Variants in MBD5 observed in about 807,000 individuals in gnomAD.
MBD5 encodes methyl-CpG binding domain protein 5, also known as methyl-CpG-binding domain protein 5.
In MBD5, 13 loss-of-function variants were observed where a neutral mutation model predicts 117.3. That is an observed-to-expected ratio of 0.11 (90% confidence interval 0.07 to 0.18). MBD5 has a LOEUF of 0.18. Ranked by LOEUF, MBD5 falls within the 10% of genes least tolerant of loss-of-function variation. MBD5 has a pLI of 1.00. For synonymous variants in MBD5, 727 were observed against 766.4 expected, an observed-to-expected ratio of 0.95 and a Z score of 0.85; for missense variants, 1,879 against 2,093.8, an observed-to-expected ratio of 0.90 and a Z score of 2.00.
chr2:148,141,673 G>A (rs1697316626), intron 1 of MBD5, among the ~76,000 whole-genome samples: 1 of 151,982 alleles, frequency 6.6e-6, no homozygotes, highest in Non-Finnish European at 1.5e-5. Context: ...CATGCCTATT[G>A]TCCCAGCTAC....
chr2:148,352,197 T>C (rs1240511406), intron 4 of MBD5, among the ~76,000 whole-genome samples: 1 of 152,054 alleles, frequency 6.6e-6, no homozygotes, highest in African/African-American at 2.4e-5. Flanking sequence ...TCCATGTATC[T>C]CTCCTCCTTT....
At chr2:148,401,261 C>A (rs145530592) in intron 4 of MBD5, among the ~76,000 whole-genome samples, 1 of 152,178 alleles carries the variant, frequency 6.6e-6, no homozygotes, top group East Asian at 1.9e-4. Flanking sequence ...ACTATCTGCT[C>A]ATTAATTCCT....
chr2:148,331,316 C>T (rs886549800), intron 3 of MBD5, among the ~76,000 whole-genome samples: 1 of 151,872 alleles, frequency 6.6e-6, no homozygotes, highest in African/African-American at 2.4e-5. Flanking sequence ...AACAGCAGTC[C>T]CCTGCTCTAA....
Position 148,427,845 on chromosome 2 carries a change from C to CA in MBD5, c.-556-30348dup, listed in dbSNP as rs550270256. On this transcript the variant is annotated intron_variant, in intron 4 of 13. Coordinates refer to ENST00000642680, the MANE Select transcript of MBD5 (RefSeq NM_001378120.1). ...AGAAGGAAATACCCAAAAATGTCCA[C>CA]AAAAAAAAAAGAGCTATGTATGACA... Among the ~76,000 whole-genome samples, 371 of 143,978 alleles carry CA rather than the reference C, an allele frequency of 2.6e-3. 4 individuals are homozygous for CA. Among genetic ancestry groups the CA allele is most frequent in the African/African-American group, 5.0e-3 (199 of 39,578 alleles). 94.5% of individuals were successfully genotyped at this position (143,978 alleles called of 152,430 possible). A position where few individuals can be genotyped will look rare whatever the true frequency, so the allele number is the denominator to read the frequency against.
chr2:148,054,795 A>G (rs576035760), intron 1 of MBD5: 1 of 152,364 alleles, frequency 6.6e-6, no homozygotes, highest in East Asian at 1.9e-4. Context: ...TGGAATTGCA[A>G]GATCACAGTG....
intron 2 of MBD5, among the ~76,000 whole-genome samples, chr2:148,188,512 C>T (rs1395214531): frequency 6.6e-6 from 1 of 151,618 alleles, no homozygotes; most frequent in African/African-American, 2.4e-5. Context: ...ATAATGAGAC[C>T]CTGTATCTAC....
intron 13 of MBD5, 49 bp from the exon 14 acceptor site, chr2:148,512,821 G>T: frequency 6.5e-7 from 1 of 1,537,286 alleles, no homozygotes; most frequent in South Asian, 1.1e-5. Context: ...TGGTGTTTGT[G>T]ATTTCATCCT....
rs1681244334 is a variant in MBD5 at position 148,483,780 on chromosome 2, C to G, written c.3189C>G (p.Gly1063=). ...PLGNPLPSFA[G]SDTTFNPLFL... ...GGAACCCTTTACCAAGCTTTGCAGG[C>G]AGTGACACTACTTTTAACCCCCTGT... The change falls in exon 9 of 14, where the codon GGC becomes GGG. Residue 1063 remains glycine (G), a synonymous_variant. Transcript: ENST00000642680. The G allele has an allele frequency of 6.4e-7, 1 of 1,550,492 alleles. No individual in the cohort carries two copies. Among genetic ancestry groups the G allele is most frequent in the South Asian group, 1.2e-5 (1 of 84,062 alleles).
At chr2:148,150,755 T>C (rs1020742871) in intron 1 of MBD5, among the ~76,000 whole-genome samples, 1 of 151,896 alleles carries the variant, frequency 6.6e-6, no homozygotes, top group African/African-American at 2.4e-5. Flanking sequence ...CTGTTGTTGG[T>C]GCATAAGAAT....
intron 3 of MBD5, among the ~76,000 whole-genome samples, chr2:148,233,991 G>A (rs977606683): frequency 3.3e-5 from 5 of 152,068 alleles, no homozygotes; most frequent in Admixed American, 2.0e-4. Flanking sequence ...CTCCCAAAGA[G>A]CATCTGGGCA....
chr2:148,235,556 A>G (rs933030586), intron 3 of MBD5, among the ~76,000 whole-genome samples: 4 of 152,172 alleles, frequency 2.6e-5, no homozygotes, highest in African/African-American at 9.6e-5. Flanking sequence ...AAAAACTTTT[A>G]GAGGTTAGAA....
chr2:148,361,527 C>A (rs1258229736), intron 4 of MBD5, among the ~76,000 whole-genome samples: 2 of 152,186 alleles, frequency 1.3e-5, no homozygotes, highest in African/African-American at 4.8e-5. Flanking sequence ...ACTGGCTTAA[C>A]AATTTGTCCA....
At chr2:148,323,116 A>T (rs1702334316) in intron 3 of MBD5, among the ~76,000 whole-genome samples, 1 of 151,476 alleles carries the variant, frequency 6.6e-6, no homozygotes, top group Non-Finnish European at 1.5e-5. Flanking sequence ...TGTTCTTGCG[A>T]TAGTTTACTG....
intron 1 of MBD5, among the ~76,000 whole-genome samples, chr2:148,076,887 T>C (rs933811833): frequency 4.6e-5 from 7 of 152,202 alleles, no homozygotes; most frequent in African/African-American, 1.7e-4. Context: ...CACAAGTAAT[T>C]TTATATTGGA....
intron 4 of MBD5, among the ~76,000 whole-genome samples, chr2:148,411,206 G>T (rs921823965): frequency 6.6e-6 from 1 of 152,140 alleles, no homozygotes; most frequent in East Asian, 1.9e-4. Context: ...TTCTTATGGT[G>T]TAATAGTATT....
At chr2:148,293,472 GC>G (rs1294422318) in intron 3 of MBD5, among the ~76,000 whole-genome samples, 3 of 152,112 alleles carry the variant, frequency 2.0e-5, no homozygotes, top group Non-Finnish European at 4.4e-5. Context: ...CACATTGCAT[GC>G]CTGTATCAAA....
At chr2:148,092,887 C>T (rs1228290870) in intron 1 of MBD5, among the ~76,000 whole-genome samples, 2 of 150,318 alleles carry the variant, frequency 1.3e-5, no homozygotes, top group African/African-American at 4.9e-5. Flanking sequence ...AGTACTGTTG[C>T]CAAGAAGTTA....
At chr2:148,230,046 C>A (rs998234012) in intron 2 of MBD5, among the ~76,000 whole-genome samples, 1 of 152,172 alleles carries the variant, frequency 6.6e-6, no homozygotes, top group African/African-American at 2.4e-5. Context: ...TGTAACCACT[C>A]CTGGGCTTCA....
chr2:148,136,565 T>G (rs555062998), intron 1 of MBD5, among the ~76,000 whole-genome samples: 210 of 152,306 alleles, frequency 1.4e-3, no homozygotes, highest in African/African-American at 4.7e-3. Flanking sequence ...TAGCTGTTTC[T>G]TTTAATTTCT....
Sources: allele counts gnomAD v4.1 joint callset (sites outside exome capture counted in the v4.1 genomes callset), GRCh38; gene constraint gnomAD v4.1.1; transcripts MANE v1.5; gene names NCBI Gene and HGNC (gene_info 2026-07-23, HGNC 2026-07-21).